ARSG: variants seen among roughly 807,000 people sequenced by gnomAD.
ARSG encodes the protein ASG.
In ARSG, 37 loss-of-function variants were observed where a neutral mutation model predicts 50.5. That is an observed-to-expected ratio of 0.73 (90% CI 0.56 to 0.96). The LOEUF is 0.96. Among genes scored for constraint, ARSG ranks in the 50% least tolerant of loss-of-function variants. The pLI is 0.00. For missense variants in ARSG, 629 were observed against 675.3 expected (o/e 0.93, Z 0.76); for synonymous variants, 225 against 254.6 (o/e 0.88, Z 1.11).
intron 11 of ARSG, among the ~76,000 whole-genome samples, chr17:68,418,161 A>G (rs954369005): frequency 2.0e-5 from 3 of 152,178 alleles, no homozygotes; most frequent in Non-Finnish European, 4.4e-5. Context: ...TAAGCTGGAC[A>G]TTGTTGGTGA....
chr17:68,291,363 C>A (rs2075981404), upstream of ARSG: 1 of 149,220 alleles, frequency 6.7e-6, no homozygotes, highest in Admixed American at 6.6e-5. Context: ...CGCCCCGGCC[C>A]CGCGTCGCTG....
At chr17:68,427,231 C>T, downstream of ARSG, 1 of 1,614,122 alleles carries the variant, frequency 6.2e-7, no homozygotes. Flanking sequence ...TTATTCTCTT[C>T]TGTTGTTCCT....
rs782684229 is a variant in ARSG, at chr17:68,271,609, A to T, written c.-552+12183A>T. On this transcript the variant is annotated intron_variant, in intron 1 of 11. Coordinates refer to the ARSG transcript ENST00000448504. This position sits in a 1 kb window ranked among gnomAD's most constrained non-coding sequence, Gnocchi z 5.3. The stretch of plus-strand genomic sequence containing the variant: ...GTTTAACTGTAGTAGGCCCACGAAG[A>T]GGAGGCTGTATCTCCAGCCAATGCG... 2.5e-6 allele frequency: 4 copies of T among 1,613,990 alleles called. No homozygotes were observed. The highest frequency in any genetic ancestry group is 3.4e-6 in the Non-Finnish European group (4 of 1,179,838).
rs545652619 is a variant in ARSG at position 68,294,649 on chromosome 17, C to T, written c.-552+3081C>T. On this transcript the variant is annotated intron_variant, in intron 1 of 11. Transcript: ENST00000621439. ...TTCCTCTTCCAGTCTCTGTTCCACCCACCATGCTCCCACCCAGGGGCTTGT... is the reference window on the plus strand; with the variant it reads ...TTCCTCTTCCAGTCTCTGTTCCACCTACCATGCTCCCACCCAGGGGCTTGT... 9.6e-4 allele frequency among the ~76,000 whole-genome samples: 146 copies of T among 152,290 alleles called. 1 individual carries two copies. Among genetic ancestry groups the T allele is most frequent in the South Asian group, 1.9e-3 (9 of 4,826 alleles).
At position 68,314,293 on chromosome 17, in the gene ARSG, G is replaced by A. The variant is rs1308864222; in HGVS notation, c.218+6582G>A. Among the ~76,000 whole-genome samples the A allele has an allele frequency of 2.6e-5, 4 of 152,106 alleles. No homozygotes were observed. The East Asian group carries it at 5.8e-4, about 22-fold the overall frequency. On this transcript the variant is annotated intron_variant, in intron 2 of 11. Coordinates refer to ENST00000621439, the MANE Select transcript of ARSG (RefSeq NM_001267727.2). ...TGTAATCCCAGCACTTTGGGAGGCCGAGGCAGATGGATCACCTGAGGTCAG... is the reference window on the plus strand; with the variant it reads ...TGTAATCCCAGCACTTTGGGAGGCCAAGGCAGATGGATCACCTGAGGTCAG...
At chr17:68,356,222 A>C (rs1187404935) in intron 5 of ARSG, among the ~76,000 whole-genome samples, 1 of 152,214 alleles carries the variant, frequency 6.6e-6, no homozygotes, top group Admixed American at 6.5e-5. Context: ...CTGCTATTAC[A>C]TGAAGTCCCA....
intron 1 of ARSG, among the ~76,000 whole-genome samples, chr17:68,292,630 T>C (rs73351349): frequency 0.19 from 29,153 of 152,096 alleles, 2,822 homozygotes; most frequent in Middle Eastern, 0.28. Context: ...GAGAGCCTAG[T>C]TTGGGAGTGC....
intron 8 of ARSG, among the ~76,000 whole-genome samples, chr17:68,372,589 G>T (rs2146783127): frequency 6.6e-6 from 1 of 152,282 alleles, no homozygotes; most frequent in African/African-American, 2.4e-5. Context: ...ACCATCATGA[G>T]AACAGCAAAG....
At chr17:68,276,406 G>A (rs1027159087) in intron 1 of ARSG, among the ~76,000 whole-genome samples, 1 of 152,150 alleles carries the variant, frequency 6.6e-6, no homozygotes, top group Non-Finnish European at 1.5e-5. Context: ...CAGTGTGTAA[G>A]TGTAAACTTA....
intron 1 of ARSG, among the ~76,000 whole-genome samples, chr17:68,279,528 C>T (rs2075627317): frequency 1.3e-5 from 2 of 152,120 alleles, no homozygotes; most frequent in African/African-American, 4.8e-5. Flanking sequence ...CATGATGATA[C>T]TCTAGAATAT....
chr17:68,311,627 G>A (rs1034988087), intron 2 of ARSG, among the ~76,000 whole-genome samples: 2 of 152,008 alleles, frequency 1.3e-5, no homozygotes, highest in African/African-American at 4.8e-5. Context: ...AGATGGTGAC[G>A]TGAAGATGGA....
At chr17:68,438,821 A>C in the ARSG span, among the ~76,000 whole-genome samples, 3 of 152,182 alleles carry the variant, frequency 2.0e-5, no homozygotes, top group Non-Finnish European at 4.4e-5. Context: ...GGCTGTCTCG[A>C]ACTCGTGACC....
At chr17:68,376,648 A>T (rs2080165435) in intron 8 of ARSG, among the ~76,000 whole-genome samples, 1 of 151,928 alleles carries the variant, frequency 6.6e-6, no homozygotes, top group African/African-American at 2.4e-5. Flanking sequence ...TCCTTTAAAC[A>T]GTTGCTCACC....
chr17:68,268,609 T>C (rs1181142869), intron 1 of ARSG: 1 of 152,496 alleles, frequency 6.6e-6, no homozygotes, highest in Non-Finnish European at 1.5e-5. Flanking sequence ...ATGATTGAAG[T>C]CTTTTTTTTT....
At chr17:68,428,717 C>A in the ARSG span, 2 of 795,946 alleles carry the variant, frequency 2.5e-6, no homozygotes, top group East Asian at 2.7e-5. Flanking sequence ...ACTGAGACTG[C>A]CAGTGAAGAA....
chr17:68,284,107 A>AC (rs2145149786), intron 1 of ARSG, among the ~76,000 whole-genome samples: 1 of 149,128 alleles, frequency 6.7e-6, no homozygotes, highest in South Asian at 2.1e-4. Flanking sequence ...CTGTCTCAAA[A>AC]AAAAAAAAAA....
chr17:68,382,133 T>C (rs2080465811), intron 8 of ARSG, among the ~76,000 whole-genome samples: 1 of 152,064 alleles, frequency 6.6e-6, no homozygotes, highest in Non-Finnish European at 1.5e-5. Context: ...GTATTTTTAG[T>C]AGAGATGGGG....
At chr17:68,274,924 G>A (rs2075462960) in intron 1 of ARSG, among the ~76,000 whole-genome samples, 1 of 152,072 alleles carries the variant, frequency 6.6e-6, no homozygotes, top group South Asian at 2.1e-4. Context: ...GGGATTACAG[G>A]CATGTGCCAC....
At chr17:68,260,786 G>A (rs569333252) in intron 1 of ARSG, among the ~76,000 whole-genome samples, 48 of 152,130 alleles carry the variant, frequency 3.2e-4, no homozygotes, top group African/African-American at 1.1e-3. Context: ...AGCCACCATG[G>A]CCGGCCAAGA....
Sources: allele counts gnomAD v4.1 joint callset (sites outside exome capture counted in the v4.1 genomes callset), GRCh38; gene constraint gnomAD v4.1.1; non-coding constraint Gnocchi (gnomAD v3.1); transcripts MANE v1.5; gene names NCBI Gene and HGNC (gene_info 2026-07-23, HGNC 2026-07-21).